PAPOLG: variants seen among roughly 807,000 people sequenced by gnomAD.
PAPOLG encodes the protein PAP-gamma.
PAPOLG carries 40 observed loss-of-function variants against 99.0 expected under a neutral mutation model. The ratio of observed to expected loss-of-function variants is 0.40; its 90% confidence interval spans 0.31 to 0.53. The LOEUF (loss-of-function observed/expected upper bound fraction) is 0.53. Ranked by LOEUF, PAPOLG falls within the 20% of genes least tolerant of loss-of-function variation. PAPOLG has a pLI of 0.41. For synonymous variants in PAPOLG, 310 were observed against 299.3 expected, an observed-to-expected ratio of 1.04 and a Z score of -0.37; for missense variants, 675 against 884.1, an observed-to-expected ratio of 0.76 and a Z score of 3.00.
intron 13 of PAPOLG, among the ~76,000 whole-genome samples, chr2:60,785,439 T>A (rs186264321): frequency 2.4e-4 from 36 of 152,234 alleles, no homozygotes; most frequent in Admixed American, 2.1e-3. Context: ...GCCCAGCCCG[T>A]GAATTTTTTT....
chr2:60,766,679 T>TAA (rs35841274), intron 3 of PAPOLG, among the ~76,000 whole-genome samples: 3 of 131,992 alleles, frequency 2.3e-5, no homozygotes, highest in East Asian at 2.2e-4. Flanking sequence ...TCCATCTGTT[T>TAA]AAAAAAAAAA....
intron 8 of PAPOLG, among the ~76,000 whole-genome samples, chr2:60,778,841 A>G (rs1288028370): frequency 6.6e-6 from 1 of 152,008 alleles, no homozygotes; most frequent in Non-Finnish European, 1.5e-5. Context: ...TTAGATGCAT[A>G]TTTTTCATAT....
chr2:60,778,844 T>C (rs1671103502), intron 8 of PAPOLG, among the ~76,000 whole-genome samples: 1 of 152,228 alleles, frequency 6.6e-6, no homozygotes, highest in Non-Finnish European at 1.5e-5. Context: ...GATGCATATT[T>C]TTCATATTTA....
In PAPOLG at chr2:60,770,445, T is replaced by TC; in HGVS notation, c.439-11dup. 1 of 1,589,472 alleles carries TC rather than the reference T, an allele frequency of 6.3e-7. No homozygotes were observed. The highest frequency in any genetic ancestry group is 8.6e-7 in the Non-Finnish European group (1 of 1,167,858). On this transcript the variant is annotated splice_polypyrimidine_tract_variant and intron_variant, in intron 5 of 21. Coordinates refer to ENST00000238714, the MANE Select transcript of PAPOLG (RefSeq NM_022894.4). ...TTACACCTATGTGTTATAATTGTTT[T>TC]CCTTTTTTGTAGGCTGTAGAAGATG...
At chr2:60,789,569 A>C (rs771408890) in intron 15 of PAPOLG, among the ~76,000 whole-genome samples, 40 of 152,124 alleles carry the variant, frequency 2.6e-4, no homozygotes, top group Non-Finnish European at 5.3e-4. Flanking sequence ...AATAAATATC[A>C]GTAAGTACAG....
intron 1 of PAPOLG, among the ~76,000 whole-genome samples, chr2:60,759,860 G>C (rs1670471433): frequency 6.6e-6 from 1 of 152,194 alleles, no homozygotes; most frequent in South Asian, 2.1e-4. Context: ...TGAGCTGAGT[G>C]GTGTTGGTAC....
At chr2:60,757,168 C>G (rs928721566) in intron 1 of PAPOLG, among the ~76,000 whole-genome samples, 8 of 152,208 alleles carry the variant, frequency 5.3e-5, no homozygotes, top group African/African-American at 1.7e-4. Context: ...ACATAAGCAT[C>G]ATTTGTGGAG....
intron 1 of PAPOLG, 92 bp downstream of exon 1, chr2:60,756,587 C>A: frequency 7.5e-7 from 1 of 1,329,430 alleles, no homozygotes; most frequent in Non-Finnish European, 1.0e-6. Flanking sequence ...CTGTCCCTTG[C>A]GCCCTGCACG....
Position 60,756,348 on chromosome 2 carries a change from T to C in PAPOLG, c.-131T>C, listed in dbSNP as rs1253036623. On this transcript the variant is annotated 5_prime_UTR_variant, in exon 1 of 22. It removes the in-frame stop codon of an upstream open reading frame in the 5' UTR. Coordinates refer to ENST00000238714, the MANE Select transcript of PAPOLG (RefSeq NM_022894.4). Reference sequence around the variant, plus strand: ...ACTACTCGGTTGGATGCCTCAGCCATAGTAAGTGGGAAAGTGAGCGAGCAA... The same window carrying C: ...ACTACTCGGTTGGATGCCTCAGCCACAGTAAGTGGGAAAGTGAGCGAGCAA... 6.1e-6 allele frequency: 7 copies of C among 1,139,732 alleles called. No individual in the cohort carries two copies. The Admixed American group carries it at 9.0e-5, about 15-fold the overall frequency. The allele number at this position is 1,139,732 out of a possible 1,614,324, so 70.6% of individuals were successfully genotyped here. A position where few individuals can be genotyped will look rare whatever the true frequency, so the allele number is the denominator to read the frequency against.
At chr2:60,795,108 G>A in intron 21 of PAPOLG, 88 bp downstream of exon 21, 4 of 1,168,198 alleles carry the variant, frequency 3.4e-6, no homozygotes, top group Non-Finnish European at 5.0e-6. Flanking sequence ...TAAGAGCCTA[G>A]CACTGGGAAA....
In PAPOLG at chr2:60,756,466, G is replaced by C; in HGVS notation, c.-13G>C. On this transcript the variant is annotated 5_prime_UTR_variant, in exon 1 of 22. Transcript: ENST00000238714. Reference sequence around the variant, plus strand: ...GCGATAAACACTCGCTGGAGAGGGAGACGCAGGAAGCGATGAAAGAGATGT... The same window carrying C: ...GCGATAAACACTCGCTGGAGAGGGACACGCAGGAAGCGATGAAAGAGATGT... 6.2e-7 allele frequency: 1 copy of C among 1,611,280 alleles called. No homozygotes were observed. Among genetic ancestry groups the C allele is most frequent in the Non-Finnish European group, 8.5e-7 (1 of 1,179,070 alleles).
At chr2:60,784,894 C>G (rs548153002) in intron 13 of PAPOLG, among the ~76,000 whole-genome samples, 8 of 152,222 alleles carry the variant, frequency 5.3e-5, no homozygotes, top group African/African-American at 1.9e-4. Context: ...TTAGATGACA[C>G]TGGAATAACA....
intron 11 of PAPOLG, 122 bp from the exon 12 acceptor site, chr2:60,782,564 G>GAA: frequency 8.2e-7 from 1 of 1,223,354 alleles, no homozygotes; most frequent in East Asian, 3.7e-5. Flanking sequence ...CTCAAAAAAA[G>GAA]AAAAAAAAAA....
At chr2:60,782,902 C>A in intron 12 of PAPOLG, 132 bp downstream of exon 12, 1 of 1,182,936 alleles carries the variant, frequency 8.5e-7, no homozygotes, top group Non-Finnish European at 1.1e-6. Context: ...AACAAAAATC[C>A]TAAGAGATAA....
intron 8 of PAPOLG, among the ~76,000 whole-genome samples, chr2:60,776,090 CAAG>C (rs1437909372): frequency 6.6e-6 from 1 of 152,128 alleles, no homozygotes; most frequent in Non-Finnish European, 1.5e-5. Flanking sequence ...AATGGTAAAA[CAAG>C]AAGATAACTC....
chr2:60,789,951 A>T (rs1268609297), intron 15 of PAPOLG, among the ~76,000 whole-genome samples: 2 of 152,122 alleles, frequency 1.3e-5, no homozygotes, highest in African/African-American at 4.8e-5. Flanking sequence ...AAAATTAGCC[A>T]GGTGTGGTGG....
chr2:60,789,015 A>G (rs1671451349), intron 15 of PAPOLG, among the ~76,000 whole-genome samples: 1 of 152,166 alleles, frequency 6.6e-6, no homozygotes, highest in South Asian at 2.1e-4. Context: ...TGATGAGTTC[A>G]TGTCCTTCGT....
At chr2:60,773,641 A>G (rs560885488) in intron 7 of PAPOLG, among the ~76,000 whole-genome samples, 5 of 151,916 alleles carry the variant, frequency 3.3e-5, no homozygotes, top group African/African-American at 1.2e-4. Flanking sequence ...TTTGGAAAAT[A>G]TTGGTTCACA....
At chr2:60,756,970 A>G (rs1670364795) in intron 1 of PAPOLG, among the ~76,000 whole-genome samples, 1 of 150,824 alleles carries the variant, frequency 6.6e-6, no homozygotes, top group Non-Finnish European at 1.5e-5. Context: ...CAGTCTTTTC[A>G]CCGCCGTCCC....
Sources: allele counts gnomAD v4.1 joint callset (sites outside exome capture counted in the v4.1 genomes callset), GRCh38; gene constraint gnomAD v4.1.1; transcripts MANE v1.5; gene names NCBI Gene and HGNC (gene_info 2026-07-23, HGNC 2026-07-21).